Variants in SLC19A1 observed in about 807,000 individuals in gnomAD.
SLC19A1 encodes the protein solute carrier family 19 member 1.
A neutral mutation model predicts 35.3 loss-of-function variants in SLC19A1; 37 were observed. That is an observed-to-expected ratio of 1.05 (90% CI 0.81 to 1.38). The LOEUF (loss-of-function observed/expected upper bound fraction) is 1.38. Ranked by LOEUF, SLC19A1 falls within the 40% of genes most tolerant of loss-of-function variation. The probability of loss-of-function intolerance (pLI) is 0.00; values close to 1 mark genes in which losing one functional copy is unlikely to be tolerated. For missense variants in SLC19A1, 831 were observed against 826.9 expected, an observed-to-expected ratio of 1.00 and a Z score of -0.06; for synonymous variants, 460 against 398.5, an observed-to-expected ratio of 1.15 and a Z score of -1.84.
At chr21:45,505,009 A>T in intron 3 of SLC19A1, 1 of 1,228,478 alleles carries the variant, frequency 8.1e-7, no homozygotes, top group Non-Finnish European at 1.2e-6. Flanking sequence ...GTGGGCAGGG[A>T]GGGGACCGGT....
intron 1 of SLC19A1, among the ~76,000 whole-genome samples, chr21:45,559,667 G>C (rs1388195726): frequency 6.6e-6 from 1 of 152,196 alleles, no homozygotes. Context: ...ACCTGTGCGC[G>C]AGTTTTCTCA....
At chr21:45,511,675 G>A (rs1031399649), downstream of SLC19A1, among the ~76,000 whole-genome samples, 11 of 152,046 alleles carry the variant, frequency 7.2e-5, no homozygotes, top group African/African-American at 1.4e-4. Context: ...CCCTCCCCAC[G>A]TGAGCGCCGC....
rs142335396 is a variant in SLC19A1 at position 45,520,557 on chromosome 21, T to C, written c.1294-4417A>G. The stretch of plus-strand genomic sequence containing the variant: ...CATTTCTATACACTAGCAACGAACA[T>C]GTATACACTGTTATGGAATGAATTG... On this transcript the variant is annotated intron_variant, in intron 5 of 5. Coordinates refer to ENST00000311124, the MANE Select transcript of SLC19A1 (RefSeq NM_194255.4). Among the ~76,000 whole-genome samples, 883 of 152,304 alleles carry C rather than the reference T, an allele frequency of 5.8e-3. 14 individuals carry two copies. The highest frequency in any genetic ancestry group is 0.02 in the African/African-American group (845 of 41,552).
At chr21:45,548,657 T>C (rs745751821), upstream of SLC19A1, among the ~76,000 whole-genome samples, 8 of 151,986 alleles carry the variant, frequency 5.3e-5, no homozygotes, top group Non-Finnish European at 1.0e-4. Context: ...GGCAGGAGAA[T>C]TGCTTGAATC....
intron 1 of SLC19A1, among the ~76,000 whole-genome samples, chr21:45,549,481 C>A (rs1303299539): frequency 6.6e-6 from 1 of 150,758 alleles, no homozygotes; most frequent in Non-Finnish European, 1.5e-5. Flanking sequence ...TAAAAGCCTG[C>A]ACTGCTGGAA....
At position 45,515,576 on chromosome 21, in the gene SLC19A1, C is replaced by A; in HGVS notation, c.*82G>T. On this transcript the variant is annotated 3_prime_UTR_variant, in exon 6 of 6. Transcript: ENST00000311124. ...GCAGGATAAGCGGAGGCCCCCATTGCTAAGGCAGGCGGCCCTCGAGGCAGG... is the reference window on the plus strand; with the variant it reads ...GCAGGATAAGCGGAGGCCCCCATTGATAAGGCAGGCGGCCCTCGAGGCAGG... 6.3e-7 allele frequency: 1 copy of A among 1,584,942 alleles called. No individual in the cohort carries two copies.
At chr21:45,509,486 G>T (rs370102608), downstream of SLC19A1, 1 of 1,523,474 alleles carries the variant, frequency 6.6e-7, no homozygotes. Flanking sequence ...AGCCCCCCTC[G>T]CCTGCCCGAG....
At chr21:45,531,280 TGGGGCA>T (rs2077884738) in intron 3 of SLC19A1, 103 bp downstream of exon 3, 4 of 949,658 alleles carry the variant, frequency 4.2e-6, no homozygotes, top group Non-Finnish European at 5.2e-6. Context: ...AAGGTATCCA[TGGGGCA>T]GGGGGCGGGA....
At position 45,515,655 on chromosome 21, in the gene SLC19A1, G is replaced by C; in HGVS notation, c.*3C>G. On this transcript the variant is annotated 3_prime_UTR_variant, in exon 6 of 6. Coordinates refer to ENST00000311124, the MANE Select transcript of SLC19A1 (RefSeq NM_194255.4). Reference sequence around the variant, plus strand: ...GCAAAGTTACCACAGGGGCGCCCGAGAGTCACTGGTTCACATTCTGAACAC... The same window carrying C: ...GCAAAGTTACCACAGGGGCGCCCGACAGTCACTGGTTCACATTCTGAACAC... 2.5e-6 allele frequency: 4 copies of C among 1,613,318 alleles called. No individual in the cohort carries two copies. Among genetic ancestry groups the C allele is most frequent in the Non-Finnish European group, 2.5e-6 (3 of 1,180,004 alleles).
intron 1 of SLC19A1, among the ~76,000 whole-genome samples, chr21:45,559,025 T>A (rs1335617703): frequency 2.0e-5 from 3 of 152,080 alleles, no homozygotes; most frequent in Admixed American, 2.0e-4. Flanking sequence ...GCCAGGATGG[T>A]CTCGATCTCT....
chr21:45,504,584 C>A, intron 3 of SLC19A1: 1 of 1,555,374 alleles, frequency 6.4e-7, no homozygotes, highest in South Asian at 1.2e-5. Context: ...CAGGCAGAGC[C>A]CATGTCCCAG....
chr21:45,530,476 G>A lies in SLC19A1; in HGVS notation c.1151+294C>T, dbSNP rs368200569. Among the ~76,000 whole-genome samples the A allele has an allele frequency of 6.6e-6, 1 of 152,284 alleles. No individual in the cohort carries two copies. Among genetic ancestry groups the A allele is most frequent in the East Asian group, 1.9e-4 (1 of 5,190 alleles). On this transcript the variant is annotated intron_variant, in intron 4 of 5. Coordinates refer to ENST00000311124, the MANE Select transcript of SLC19A1 (RefSeq NM_194255.4). The surrounding 1 kb of genome is among the most constrained non-coding windows in gnomAD (Gnocchi z 5.3). ...CAAGCTCCCGCTCCTGCCTGGATGG[G>A]GTCTCAGCAGCCCGGGGCCTAGAGG...
intron 3 of SLC19A1, chr21:45,507,390 G>A: frequency 1.4e-6 from 1 of 730,022 alleles, no homozygotes; most frequent in South Asian, 1.5e-5. Context: ...GTGCTGGGCA[G>A]GGAGCGTACC....
upstream of SLC19A1, among the ~76,000 whole-genome samples, chr21:45,546,806 C>T (rs1240759008): frequency 3.9e-5 from 6 of 152,156 alleles, no homozygotes; most frequent in Non-Finnish European, 2.9e-5. Context: ...GAGTGATGTC[C>T]GGCTACAGGA....
intron 1 of SLC19A1, among the ~76,000 whole-genome samples, chr21:45,550,973 C>G (rs1248409540): frequency 6.8e-6 from 1 of 147,072 alleles, no homozygotes; most frequent in African/African-American, 2.5e-5. Context: ...CAGCACTGGC[C>G]CCCGCCTCCA....
At chr21:45,503,917 C>T (rs977009776) in intron 3 of SLC19A1, 138 of 1,340,372 alleles carry the variant, frequency 1.0e-4, no homozygotes, top group Admixed American at 1.9e-4. Context: ...GCTAGAAGGG[C>T]CTCAGGCAAA....
intron 1 of SLC19A1, among the ~76,000 whole-genome samples, chr21:45,555,723 G>T (rs2078554404): frequency 6.6e-6 from 1 of 152,070 alleles, no homozygotes; most frequent in Non-Finnish European, 1.5e-5. Flanking sequence ...AGCAGGGTGG[G>T]CTCCACGCGA....
chr21:45,538,725 C>T (rs997599324), intron 1 of SLC19A1, among the ~76,000 whole-genome samples: 5 of 152,162 alleles, frequency 3.3e-5, no homozygotes, highest in African/African-American at 1.2e-4. Flanking sequence ...AGCCCCTGAG[C>T]CCAGGGACCC....
chr21:45,531,682 C>T lies in SLC19A1; in HGVS notation c.656G>A (p.Arg219Gln). 2 of 1,612,472 alleles carry T rather than the reference C, an allele frequency of 1.2e-6. No homozygotes were observed. The highest frequency in any genetic ancestry group is 1.7e-6 in the Non-Finnish European group (2 of 1,179,748). ...CAGCTCCGAAGCCGAGGTTTCGCAC[C>T]GCCCCCGGTCGTCGCGGTTGAAGAA... ...SLFFNRDDRG[R>Q]CETSASELER... The change falls in exon 3 of 6, where the codon CGG (arginine) becomes CAG (glutamine). Residue 219 changes from arginine (R) to glutamine (Q), a missense_variant. Transcript: ENST00000311124.
Sources: allele counts gnomAD v4.1 joint callset (sites outside exome capture counted in the v4.1 genomes callset), GRCh38; gene constraint gnomAD v4.1.1; non-coding constraint Gnocchi (gnomAD v3.1); transcripts MANE v1.5; gene names NCBI Gene and HGNC (gene_info 2026-07-23, HGNC 2026-07-21).